The following CLNK variants were observed in gnomAD, a reference collection of about 807,000 sequenced individuals.
CLNK encodes the protein cytokine-dependent hematopoietic cell linker.
CLNK carries 74 observed loss-of-function variants against 68.6 expected under a neutral mutation model. The ratio of observed to expected loss-of-function variants is 1.08; its 90% CI spans 0.89 to 1.31. The LOEUF (loss-of-function observed/expected upper bound fraction) is 1.31, where lower values mean the gene tolerates loss of function less well. Among genes scored for constraint, CLNK ranks in the 50% most tolerant of loss-of-function variants. The pLI is 0.00. For synonymous variants in CLNK, 198 were observed against 172.2 expected (o/e 1.15, Z -1.17); for missense variants, 553 against 515.3 (o/e 1.07, Z -0.71).
intron 4 of CLNK, among the ~76,000 whole-genome samples, chr4:10,580,272 CATAT>C (rs1435589671): frequency 6.6e-6 from 1 of 152,166 alleles, no homozygotes; most frequent in African/African-American, 2.4e-5. Context: ...TGCTGCCAGT[CATAT>C]GAAAGTCTAG....
rs557296972 is a variant in CLNK, at chr4:10,682,321, G to A, written c.-43+2347C>T. 2.6e-5 allele frequency among the ~76,000 whole-genome samples: 4 copies of A among 152,256 alleles called. No homozygotes were observed. In the South Asian group the frequency reaches 8.3e-4, roughly 32 times the overall value. On this transcript the variant is annotated intron_variant, in intron 1 of 18. Coordinates refer to ENST00000226951, the MANE Select transcript of CLNK (RefSeq NM_052964.4). ...TGAACACTTTATGTTTCTTTGTCAT[G>A]CTAGGAGGGTAGGTACAGCCTAGAA...
chr4:10,723,343 G>A, the CLNK span, among the ~76,000 whole-genome samples: 2 of 152,146 alleles, frequency 1.3e-5, no homozygotes, highest in Non-Finnish European at 2.9e-5. Flanking sequence ...TTCTAATTAT[G>A]CTAGTGGAGT....
chr4:10,501,496 A>C, intron 17 of CLNK, 85 bp from the exon 18 acceptor site: 2 of 1,356,544 alleles, frequency 1.5e-6, no homozygotes, highest in Non-Finnish European at 2.0e-6. Flanking sequence ...GTCTGCATGC[A>C]TGAGATTCCC....
the CLNK span, among the ~76,000 whole-genome samples, chr4:10,697,837 C>T: frequency 6.6e-6 from 1 of 152,136 alleles, no homozygotes; most frequent in South Asian, 2.1e-4. Context: ...AGCCACCTTG[C>T]CTTTGCTTTT....
intron 1 of CLNK, among the ~76,000 whole-genome samples, chr4:10,675,901 A>G (rs1724852217): frequency 1.3e-5 from 2 of 152,228 alleles, no homozygotes; most frequent in Non-Finnish European, 2.9e-5. Context: ...TCATTAAAAC[A>G]GGAAAAAAGG....
intron 2 of CLNK, among the ~76,000 whole-genome samples, chr4:10,618,686 G>A (rs1455876224): frequency 6.6e-6 from 1 of 152,186 alleles, no homozygotes; most frequent in Non-Finnish European, 1.5e-5. Flanking sequence ...TTACAATCAT[G>A]GCAGAAAGTG....
intron 2 of CLNK, among the ~76,000 whole-genome samples, chr4:10,655,392 G>C (rs1321170938): frequency 6.6e-6 from 1 of 150,914 alleles, no homozygotes; most frequent in Non-Finnish European, 1.5e-5. Flanking sequence ...GAGAGTGTGT[G>C]TGTGTATCCT....
intron 2 of CLNK, among the ~76,000 whole-genome samples, chr4:10,659,986 A>G (rs1036398568): frequency 6.6e-6 from 1 of 152,242 alleles, no homozygotes; most frequent in Non-Finnish European, 1.5e-5. Context: ...TGCAAATTAT[A>G]GACATGCAAA....
At chr4:10,709,044 A>G in the CLNK span, among the ~76,000 whole-genome samples, 2 of 152,218 alleles carry the variant, frequency 1.3e-5, no homozygotes, top group Non-Finnish European at 2.9e-5. Flanking sequence ...TTAAGCAGGG[A>G]GACTCACTTA....
At chr4:10,727,923 T>G in the CLNK span, among the ~76,000 whole-genome samples, 1 of 152,342 alleles carries the variant, frequency 6.6e-6, no homozygotes, top group East Asian at 1.9e-4. Flanking sequence ...CTTAGCAATT[T>G]TTTTTAACAA....
At chr4:10,615,852 T>C (rs775350278) in intron 2 of CLNK, among the ~76,000 whole-genome samples, 67 of 152,212 alleles carry the variant, frequency 4.4e-4, no homozygotes, top group Non-Finnish European at 7.8e-4. Context: ...TCATAAAAAG[T>C]CAATAACAAA....
chr4:10,645,681 G>C (rs1433153422), intron 2 of CLNK, among the ~76,000 whole-genome samples: 7 of 152,136 alleles, frequency 4.6e-5, no homozygotes, highest in Admixed American at 4.6e-4. Context: ...CATTAAAACT[G>C]TATGTGTAGA....
chr4:10,612,687 C>T (rs1186743116), intron 2 of CLNK, among the ~76,000 whole-genome samples: 1 of 152,168 alleles, frequency 6.6e-6, no homozygotes, highest in Non-Finnish European at 1.5e-5. Flanking sequence ...ATTTCCCATG[C>T]TGATGAGCTC....
chr4:10,734,498 C>A, the CLNK span, among the ~76,000 whole-genome samples: 1 of 152,184 alleles, frequency 6.6e-6, no homozygotes, highest in East Asian at 1.9e-4. Context: ...TTGAGGGAAG[C>A]ATAACAAAAG....
intron 5 of CLNK, among the ~76,000 whole-genome samples, chr4:10,568,245 C>T (rs1354691146): frequency 6.6e-6 from 1 of 152,032 alleles, no homozygotes. Context: ...ATGGATAAGC[C>T]TTGATAATAT....
the CLNK span, among the ~76,000 whole-genome samples, chr4:10,699,220 A>ACACACATACACACCACG: frequency 5.3e-5 from 4 of 75,594 alleles, no homozygotes; most frequent in East Asian, 4.0e-4. Flanking sequence ...TACACACCAC[A>ACACACATACACACCACG]TATGTGTGTG....
At chr4:10,688,332 T>C (rs1219231031), upstream of CLNK, among the ~76,000 whole-genome samples, 1 of 152,080 alleles carries the variant, frequency 6.6e-6, no homozygotes, top group Admixed American at 6.6e-5. Flanking sequence ...TTCTGAATAG[T>C]CTACTCAAGG....
intron 2 of CLNK, among the ~76,000 whole-genome samples, chr4:10,612,817 G>T (rs1451040242): frequency 2.0e-5 from 3 of 152,182 alleles, no homozygotes; most frequent in Non-Finnish European, 4.4e-5. Flanking sequence ...TCTCATCTGT[G>T]TTCCCCAGGG....
At chr4:10,636,446 C>A (rs918623206) in intron 2 of CLNK, among the ~76,000 whole-genome samples, 36 of 152,176 alleles carry the variant, frequency 2.4e-4, no homozygotes, top group Non-Finnish European at 1.5e-5. Context: ...GAGAGCACAT[C>A]GCCCTGCTCA....
Sources: allele counts gnomAD v4.1 joint callset (sites outside exome capture counted in the v4.1 genomes callset), GRCh38; gene constraint gnomAD v4.1.1; transcripts MANE v1.5; gene names NCBI Gene and HGNC (gene_info 2026-07-23, HGNC 2026-07-21).